SSTR3: variants seen among roughly 807,000 people sequenced by gnomAD.
SSTR3 encodes somatostatin receptor type 3.
For missense variants in SSTR3, 504 were observed against 604.7 expected, an observed-to-expected ratio of 0.83 and a Z score of 1.75; for synonymous variants, 281 against 269.2, an observed-to-expected ratio of 1.04 and a Z score of -0.43.
Position 37,206,748 on chromosome 22 carries a change from A to T in SSTR3, c.1056T>A (p.Asp352Glu). The T allele has an allele frequency of 1.2e-6, 2 of 1,606,700 alleles. No homozygotes were observed. The highest frequency in any genetic ancestry group is 1.7e-6 in the Non-Finnish European group (2 of 1,178,752). ...TCTCCTCCCCATCCTCCTCCTCCTCATCCTCCTCCTCAGTCTTCTCCGGGG... is the reference window on the plus strand; with the variant it reads ...TCTCCTCCCCATCCTCCTCCTCCTCTTCCTCCTCCTCAGTCTTCTCCGGGG... ...VGPPEKTEEEDEEEEDGEESR... is the reference protein window; with the variant it reads ...VGPPEKTEEEEEEEEDGEESR... The change falls in exon 2 of 2, where the codon GAT becomes GAA. Residue 352 changes from aspartate (D) to glutamate (E), a missense_variant. Coordinates refer to ENST00000610913, the MANE Select transcript of SSTR3 (RefSeq NM_001051.5).
rs35195467 is a variant in SSTR3 at position 37,204,405 on chromosome 22, C to T, written c.*2142G>A. ...GCCAGGGCATCCTTCCTCCCTTGGA[C>T]CCTCAGATCTTCCTCAAGAAACCCC... On this transcript the variant is annotated 3_prime_UTR_variant, in exon 2 of 2. Transcript: ENST00000610913. 0.017 allele frequency: 2,636 copies of T among 152,444 alleles called. 68 individuals are homozygous for T. Among genetic ancestry groups the T allele is most frequent in the African/African-American group, 0.05 (2,087 of 41,544 alleles). 9.4% of individuals were successfully genotyped at this position (152,444 alleles called of 1,614,324 possible).
At chr22:37,214,365 A>G (rs1332065424), upstream of SSTR3, among the ~76,000 whole-genome samples, 2 of 152,232 alleles carry the variant, frequency 1.3e-5, no homozygotes, top group Non-Finnish European at 2.9e-5. Flanking sequence ...GAGGAAAGAC[A>G]TTACCAGATA....
intron 1 of SSTR3, among the ~76,000 whole-genome samples, chr22:37,211,523 G>T (rs886546296): frequency 1.3e-5 from 2 of 152,212 alleles, no homozygotes; most frequent in Admixed American, 6.5e-5. Flanking sequence ...TATGGAGGGG[G>T]AGCTCAGGAG....
rs1925899490 is a variant in SSTR3, at chr22:37,207,472, A to G, written c.332T>C (p.Phe111Ser). ...AAQNALSYWP[F>S]GSLMCRLVMA... ...GACCAGGCGGCACATGAGGGAGCCGAAGGGCCAGTAGGACAGGGCGTTCTG... is the reference window on the plus strand; with the variant it reads ...GACCAGGCGGCACATGAGGGAGCCGGAGGGCCAGTAGGACAGGGCGTTCTG... The change falls in exon 2 of 2, where the codon TTC (phenylalanine) becomes TCC (serine). Residue 111 changes from phenylalanine (F) to serine (S), a missense_variant. Coordinates refer to ENST00000610913, the MANE Select transcript of SSTR3 (RefSeq NM_001051.5). 6 of 1,613,668 alleles carry G rather than the reference A, an allele frequency of 3.7e-6. No individual in the cohort carries two copies. The highest frequency in any genetic ancestry group is 5.1e-6 in the Non-Finnish European group (6 of 1,180,006).
chr22:37,214,287 C>T (rs1333417389), upstream of SSTR3, among the ~76,000 whole-genome samples: 1 of 152,194 alleles, frequency 6.6e-6, no homozygotes, highest in Non-Finnish European at 1.5e-5. Flanking sequence ...GGGGCTCTGA[C>T]CTCCCCTTTT....
Position 37,212,034 on chromosome 22 carries a change from C to T in SSTR3, c.-246G>A, listed in dbSNP as rs996112290. The stretch of plus-strand genomic sequence containing the variant: ...GAGCCTCTCCCATCTGGTCTCCGGC[C>T]CTGACTTCCCAACCAGAGCCTGGTA... On this transcript the variant is annotated 5_prime_UTR_variant, in exon 1 of 2. Coordinates refer to ENST00000610913, the MANE Select transcript of SSTR3 (RefSeq NM_001051.5). The T allele has an allele frequency of 8.1e-6, 8 of 985,686 alleles. No individual in the cohort carries two copies. Among genetic ancestry groups the T allele is most frequent in the Non-Finnish European group, 9.6e-6 (8 of 830,280 alleles). The allele number at this position is 985,686 out of a possible 1,614,324, so 61.1% of individuals were successfully genotyped here. A position where few individuals can be genotyped will look rare whatever the true frequency, so the allele number is the denominator to read the frequency against.
chr22:37,206,952 T>G lies in SSTR3; in HGVS notation c.852A>C (p.Pro284=), dbSNP rs747528360. The change falls in exon 2 of 2, where the codon CCA becomes CCC. Residue 284 remains proline, a synonymous_variant. Transcript: ENST00000610913. The part of the protein sequence containing the change: ...YVLNIVNVVC[P]LPEEPAFFGL... ...CAAAGAAGGCAGGCTCCTCGGGCAG[T>G]GGGCACACCACGTTGACGATGTTGA... 2.5e-6 allele frequency: 4 copies of G among 1,612,480 alleles called. No homozygotes were observed. In the South Asian group the frequency reaches 3.3e-5, roughly 13 times the overall value.
chr22:37,207,923 C>A, intron 1 of SSTR3, 84 bp from the exon 2 acceptor site: 1 of 1,360,362 alleles, frequency 7.4e-7, no homozygotes, highest in Non-Finnish European at 9.4e-7. Context: ...ACCTGGGGAC[C>A]TGCTGCACGC....
upstream of SSTR3, among the ~76,000 whole-genome samples, chr22:37,212,489 G>A (rs1402961606): frequency 6.6e-6 from 1 of 150,640 alleles, no homozygotes; most frequent in South Asian, 2.1e-4. Context: ...AGCAGGGAGG[G>A]GCTGAGGGCC....
At position 37,206,750 on chromosome 22, in the gene SSTR3, C is replaced by A. The variant is rs147091066; in HGVS notation, c.1054G>T (p.Asp352Tyr). 1.9e-5 allele frequency: 30 copies of A among 1,609,374 alleles called. No homozygotes were observed. Among genetic ancestry groups the A allele is most frequent in the Middle Eastern group, 3.3e-4 (2 of 6,056 alleles). Residue 352 changes from aspartate (D) to tyrosine (Y), a missense_variant, in exon 2 of 2, where the codon GAT becomes TAT. Asp to Tyr is a radical substitution (Grantham distance 160). Coordinates refer to ENST00000610913, the MANE Select transcript of SSTR3 (RefSeq NM_001051.5). ...VGPPEKTEEEDEEEEDGEESR... is the reference protein window; with the variant it reads ...VGPPEKTEEEYEEEEDGEESR... ...TCCTCCCCATCCTCCTCCTCCTCAT[C>A]CTCCTCCTCAGTCTTCTCCGGGGGC... is the stretch of plus-strand genomic sequence containing the variant.
upstream of SSTR3, among the ~76,000 whole-genome samples, chr22:37,214,852 C>G (rs1237272018): frequency 2.6e-5 from 4 of 152,192 alleles, no homozygotes; most frequent in Non-Finnish European, 5.9e-5. Context: ...GCTTCCGCCA[C>G]TCGGCCCTCT....
At chr22:37,219,471 T>C in the SSTR3 span, among the ~76,000 whole-genome samples, 2 of 152,202 alleles carry the variant, frequency 1.3e-5, no homozygotes, top group African/African-American at 4.8e-5. Context: ...TCCGGAAGCC[T>C]TCTAGGGATA....
Position 37,206,983 on chromosome 22 carries a change from T to C in SSTR3, c.821A>G (p.Tyr274Cys). 6.2e-7 allele frequency: 1 copy of C among 1,612,192 alleles called. No individual in the cohort carries two copies. Among genetic ancestry groups the C allele is most frequent in the Non-Finnish European group, 8.5e-7 (1 of 1,179,234 alleles). Residue 274 changes from tyrosine (Y) to cysteine (C), a missense_variant, in exon 2 of 2, where the codon TAC becomes TGC. Coordinates refer to ENST00000610913, the MANE Select transcript of SSTR3 (RefSeq NM_001051.5). ...ALFVLCWMPF[Y>C]VLNIVNVVCP... Reference sequence around the variant, plus strand: ...CACCACGTTGACGATGTTGAGCACGTAGAAGGGCATCCAGCAGAGCACGAA... The same window carrying C: ...CACCACGTTGACGATGTTGAGCACGCAGAAGGGCATCCAGCAGAGCACGAA...
chr22:37,207,216 G>C lies in SSTR3; in HGVS notation c.588C>G (p.Pro196=). Residue 196 remains proline (P), a synonymous_variant, in exon 2 of 2, where the codon CCC becomes CCG. Coordinates refer to ENST00000610913, the MANE Select transcript of SSTR3 (RefSeq NM_001051.5). ...RGMSTCHMQW[P]EPAAAWRAGF... The stretch of plus-strand genomic sequence containing the variant: ...CGGCTCGCCAGGCCGCCGCCGGCTC[G>C]GGCCACTGCATGTGGCAGGTGCTCA... 6.2e-7 allele frequency: 1 copy of C among 1,609,560 alleles called. No individual in the cohort carries two copies. The highest frequency in any genetic ancestry group is 8.5e-7 in the Non-Finnish European group (1 of 1,178,458).
At chr22:37,212,847 TG>T (rs1372928265), upstream of SSTR3, among the ~76,000 whole-genome samples, 1 of 151,882 alleles carries the variant, frequency 6.6e-6, no homozygotes, top group East Asian at 1.9e-4. Context: ...GGAGGCCGGG[TG>T]GGGGTCATTA....
Position 37,206,563 on chromosome 22 carries a change from C to T in SSTR3, c.1241G>A (p.Arg414His), listed in dbSNP as rs4988471. Residue 414 changes from arginine to histidine, a missense_variant, in exon 2 of 2, where the codon CGC (arginine) becomes CAC (histidine). Coordinates refer to ENST00000610913, the MANE Select transcript of SSTR3 (RefSeq NM_001051.5). Reference protein sequence around the residue: ...ASTGEKSSTMRISYL With the variant: ...ASTGEKSSTMHISYL ...CCCAGGCCCCTACAGGTAGCTGATGCGCATCGTGCTGGACTTCTCCCCAGT... is the reference window on the plus strand; with the variant it reads ...CCCAGGCCCCTACAGGTAGCTGATGTGCATCGTGCTGGACTTCTCCCCAGT... The T allele has an allele frequency of 1.4e-3, 2,283 of 1,606,224 alleles. 19 individuals are homozygous for T. In the African/African-American group the frequency reaches 0.018, roughly 13 times the overall value.
rs1259283585 is a variant in SSTR3 at position 37,206,420 on chromosome 22, A to T, written c.*127T>A. 4.9e-5 allele frequency: 69 copies of T among 1,415,750 alleles called. 1 individual carries two copies. In the South Asian group the frequency reaches 9.7e-4, roughly 20 times the overall value. The allele number at this position is 1,415,750 out of a possible 1,614,324, so 87.7% of individuals were successfully genotyped here. ...CCAAGGTCACACAGCAAGACCTGGC[A>T]GCAATAGCATCAAAGTCCAGGCCCC... On this transcript the variant is annotated 3_prime_UTR_variant, in exon 2 of 2. Coordinates refer to ENST00000610913, the MANE Select transcript of SSTR3 (RefSeq NM_001051.5).
chr22:37,207,543 C>T lies in SSTR3; in HGVS notation c.261G>A (p.Ala87=), dbSNP rs760912884. The T allele has an allele frequency of 3.0e-5, 48 of 1,613,660 alleles. No individual in the cohort carries two copies. In the South Asian group the frequency reaches 4.3e-4, roughly 14 times the overall value. ...CCAGCATGAAGAGCTCGTCGGCCAG[C>T]GCCAGGTTGAGGATGTAGACGTTGG... ...SVTNVYILNL[A]LADELFMLGL... is the part of the protein sequence containing the mutation. The change falls in exon 2 of 2, where the codon GCG becomes GCA. Residue 87 remains alanine (A), a synonymous_variant. Coordinates refer to ENST00000610913, the MANE Select transcript of SSTR3 (RefSeq NM_001051.5).
At position 37,206,955 on chromosome 22, in the gene SSTR3, G is replaced by A. The variant is rs771241121; in HGVS notation, c.849C>T (p.Cys283=). The A allele has an allele frequency of 3.7e-6, 6 of 1,612,384 alleles. No individual in the cohort carries two copies. Among genetic ancestry groups the A allele is most frequent in the Admixed American group, 1.7e-5 (1 of 59,988 alleles). Residue 283 remains cysteine, a synonymous_variant, in exon 2 of 2, where the codon TGC becomes TGT. Coordinates refer to ENST00000610913, the MANE Select transcript of SSTR3 (RefSeq NM_001051.5). ...AGAAGGCAGGCTCCTCGGGCAGTGG[G>A]CACACCACGTTGACGATGTTGAGCA... The part of the protein sequence containing the change: ...FYVLNIVNVV[C]PLPEEPAFFG...
Sources: allele counts gnomAD v4.1 joint callset (sites outside exome capture counted in the v4.1 genomes callset), GRCh38; gene constraint gnomAD v4.1.1; transcripts MANE v1.5; gene names NCBI Gene and HGNC (gene_info 2026-07-23, HGNC 2026-07-21).